TAMM41: variants seen among roughly 807,000 people sequenced by gnomAD.
The protein encoded by TAMM41 is phosphatidate cytidylyltransferase, mitochondrial.
A neutral mutation model predicts 44.1 loss-of-function variants in TAMM41; 36 were observed. The observed-to-expected ratio is 0.82, with a 90% CI of 0.63 to 1.08. The LOEUF is 1.08. TAMM41 is among the 50% of genes least tolerant of loss of function. The pLI is 0.00. For missense variants in TAMM41, 417 were observed against 404.3 expected (o/e 1.03, Z -0.27); for synonymous variants, 164 against 153.1 (o/e 1.07, Z -0.53).
At chr3:11,803,745 A>AC (rs557425203) in intron 7 of TAMM41, among the ~76,000 whole-genome samples, 103 of 152,368 alleles carry the variant, frequency 6.8e-4, no homozygotes, top group African/African-American at 2.4e-3. Flanking sequence ...CTTGAATACT[A>AC]CTTAGCCATA....
intron 7 of TAMM41, among the ~76,000 whole-genome samples, chr3:11,799,907 C>T (rs1429499630): frequency 1.3e-5 from 2 of 152,208 alleles, no homozygotes; most frequent in African/African-American, 2.4e-5. Flanking sequence ...TCAGCAGAAA[C>T]CTTAAAGGCC....
At chr3:11,733,357 G>A in the TAMM41 span, among the ~76,000 whole-genome samples, 4 of 152,116 alleles carry the variant, frequency 2.6e-5, no homozygotes, top group African/African-American at 9.7e-5. Flanking sequence ...TGTCGGTGGG[G>A]CACAGATAGA....
intron 4 of TAMM41, among the ~76,000 whole-genome samples, chr3:11,827,405 G>A (rs2078800357): frequency 6.6e-6 from 1 of 151,248 alleles, no homozygotes. Context: ...CACCTCGCCG[G>A]TTCAAGTGAT....
chr3:11,845,846 A>G (rs929171032), intron 1 of TAMM41, among the ~76,000 whole-genome samples: 2 of 152,204 alleles, frequency 1.3e-5, no homozygotes, highest in Non-Finnish European at 1.5e-5. Context: ...GCCAACTCTG[A>G]AAAGTAACAA....
intron 4 of TAMM41, among the ~76,000 whole-genome samples, chr3:11,822,109 TA>T (rs2078548906): frequency 6.6e-6 from 1 of 152,148 alleles, no homozygotes; most frequent in Admixed American, 6.5e-5. Flanking sequence ...TTCCAAAATC[TA>T]AAATACTTCT....
At chr3:11,799,611 A>G (rs763685912) in intron 7 of TAMM41, among the ~76,000 whole-genome samples, 25 of 152,348 alleles carry the variant, frequency 1.6e-4, no homozygotes, top group South Asian at 1.0e-3. Flanking sequence ...ATGTGGCATC[A>G]TTAGAAGTGA....
At chr3:11,769,107 C>G in the TAMM41 span, among the ~76,000 whole-genome samples, 1 of 152,058 alleles carries the variant, frequency 6.6e-6, no homozygotes, top group Non-Finnish European at 1.5e-5. Flanking sequence ...GAGCATCCAT[C>G]TACAAACAGT....
intron 7 of TAMM41, among the ~76,000 whole-genome samples, chr3:11,791,293 T>C (rs763825841): frequency 6.6e-6 from 1 of 152,170 alleles, no homozygotes; most frequent in Non-Finnish European, 1.5e-5. Context: ...ATGTGCCTCA[T>C]TCGGAGAGCT....
chr3:11,751,350 C>G, the TAMM41 span, among the ~76,000 whole-genome samples: 1 of 152,122 alleles, frequency 6.6e-6, no homozygotes, highest in African/African-American at 2.4e-5. Context: ...CCTCGGCCCC[C>G]CAAAGAGCTG....
chr3:11,817,844 A>C (rs968514319), intron 4 of TAMM41, among the ~76,000 whole-genome samples: 3 of 152,240 alleles, frequency 2.0e-5, no homozygotes, highest in African/African-American at 7.2e-5. Context: ...AAGTTCTGTA[A>C]GAGGAGGTTT....
At chr3:11,792,085 T>A (rs1270762360) in intron 7 of TAMM41, among the ~76,000 whole-genome samples, 1 of 152,202 alleles carries the variant, frequency 6.6e-6, no homozygotes, top group African/African-American at 2.4e-5. Flanking sequence ...TGGGCCATGA[T>A]AATTCCCAGC....
At chr3:11,756,476 A>T in the TAMM41 span, among the ~76,000 whole-genome samples, 1 of 152,198 alleles carries the variant, frequency 6.6e-6, no homozygotes, top group Middle Eastern at 3.2e-3. Flanking sequence ...TTGTTGTATT[A>T]ATCACTATCT....
downstream of TAMM41, among the ~76,000 whole-genome samples, chr3:11,785,717 G>A (rs757106195): frequency 2.6e-5 from 4 of 152,064 alleles, no homozygotes; most frequent in Non-Finnish European, 5.9e-5. Flanking sequence ...CGGGGTTCAG[G>A]TGATTCTGCC....
Position 11,793,398 on chromosome 3 carries a change from T to C in TAMM41, c.938-2817A>G, listed in dbSNP as rs137981888. 3.7e-3 allele frequency among the ~76,000 whole-genome samples: 570 copies of C among 152,300 alleles called. 3 individuals are homozygous for C. Among genetic ancestry groups the C allele is most frequent in the Middle Eastern group, 0.01 (3 of 294 alleles). On this transcript the variant is annotated intron_variant, in intron 7 of 7. Coordinates refer to ENST00000455809, the MANE Select transcript of TAMM41 (RefSeq NM_001284401.2). The stretch of plus-strand genomic sequence containing the variant: ...GGAGGTGCTGCAACAGAAGCTCTGC[T>C]AGTGCAAGTATAAATGTGGACGATT...
the TAMM41 span, among the ~76,000 whole-genome samples, chr3:11,761,039 G>T: frequency 6.6e-6 from 1 of 151,826 alleles, no homozygotes; most frequent in Non-Finnish European, 1.5e-5. Context: ...ATGGTGGCAG[G>T]CACCTGTAGT....
the TAMM41 span, among the ~76,000 whole-genome samples, chr3:11,739,671 CAAAAAAAAAAA>C: frequency 1.5e-4 from 8 of 53,440 alleles, no homozygotes; most frequent in African/African-American, 4.6e-4. Context: ...GACTCCATCT[CAAAAAAAAAAA>C]AAAAAAAAAA....
the TAMM41 span, among the ~76,000 whole-genome samples, chr3:11,739,531 G>C: frequency 9.2e-5 from 14 of 152,186 alleles, no homozygotes; most frequent in African/African-American, 2.9e-4. Flanking sequence ...TAAGGGCTGG[G>C]TGCGGTGGCT....
intron 4 of TAMM41, among the ~76,000 whole-genome samples, chr3:11,819,672 A>G (rs527990780): frequency 1.3e-5 from 2 of 152,230 alleles, no homozygotes; most frequent in East Asian, 3.9e-4. Context: ...AGGCCGGGGG[A>G]ATGTTTGAGC....
the TAMM41 span, among the ~76,000 whole-genome samples, chr3:11,730,296 C>G: frequency 9.9e-5 from 15 of 151,824 alleles, no homozygotes; most frequent in Admixed American, 4.6e-4. Context: ...TGGCACACAC[C>G]TGTATTCCCA....
Sources: allele counts gnomAD v4.1 joint callset (sites outside exome capture counted in the v4.1 genomes callset), GRCh38; gene constraint gnomAD v4.1.1; transcripts MANE v1.5; gene names NCBI Gene and HGNC (gene_info 2026-07-23, HGNC 2026-07-21).